Variants in HSP90AA1 observed in about 807,000 individuals in gnomAD.
HSP90AA1 encodes heat shock protein HSP 90-alpha.
In HSP90AA1, 18 loss-of-function variants were observed where a neutral mutation model predicts 73.3. The observed-to-expected ratio is 0.25, with a 90% CI of 0.17 to 0.36. The LOEUF (loss-of-function observed/expected upper bound fraction) is 0.36, where lower values mean the gene tolerates loss of function less well. Ranked by LOEUF, HSP90AA1 falls within the 10% of genes least tolerant of loss-of-function variation. The pLI is 1.00. For missense variants in HSP90AA1, 704 were observed against 874.2 expected (o/e 0.81, Z 2.45); for synonymous variants, 477 against 296.9 (o/e 1.61, Z -6.24).
At position 102,139,391 on chromosome 14, in the gene HSP90AA1, GA is replaced by G; in HGVS notation, c.13del (p.Ser5ArgfsTer46). ...AGGAGGGGTGGAGCCGTCCCCGCCC[GA>G]ACACGGGGGCATCCGCGCTCCCCGT... On this transcript the variant is annotated frameshift_variant, in exon 1 of 12. Transcript: ENST00000334701. LOFTEE classifies it high-confidence loss of function. 1 of 1,574,586 alleles carries G rather than the reference GA, an allele frequency of 6.4e-7. No homozygotes were observed. Among genetic ancestry groups the G allele is most frequent in the Non-Finnish European group, 8.6e-7 (1 of 1,160,000 alleles).
At chr14:102,085,034 A>C (rs750594857) in intron 4 of HSP90AA1, 36 bp from the exon 5 acceptor site, 1 of 1,613,614 alleles carries the variant, frequency 6.2e-7, no homozygotes, top group Non-Finnish European at 8.5e-7. Flanking sequence ...TCACTGCTGC[A>C]CTCCAGAACT....
chr14:102,084,356 T>A (rs1014592850), intron 6 of HSP90AA1, 43 bp downstream of exon 6: 17 of 1,575,442 alleles, frequency 1.1e-5, no homozygotes, highest in African/African-American at 2.7e-5. Flanking sequence ...AGAAAGTACT[T>A]CTTTAATCAG....
intron 1 of HSP90AA1, among the ~76,000 whole-genome samples, chr14:102,127,191 A>G (rs2049850690): frequency 6.6e-6 from 1 of 152,172 alleles, no homozygotes; most frequent in African/African-American, 2.4e-5. Context: ...AGATAGAAAA[A>G]AGTTAGGAAC....
At position 102,085,416 on chromosome 14, in the gene HSP90AA1, C is replaced by T. The variant is rs779581017; in HGVS notation, c.545G>A (p.Arg182His). 24 of 1,612,942 alleles carry T rather than the reference C, an allele frequency of 1.5e-5. No homozygotes were observed. Among genetic ancestry groups the T allele is most frequent in the Admixed American group, 1.7e-5 (1 of 59,846 alleles). Residue 182 changes from arginine (R) to histidine (H), a missense_variant, in exon 4 of 11, where the codon CGT (arginine) becomes CAT (histidine). Arg to His is a conservative substitution (Grantham distance 29). Transcript: ENST00000216281. ...VRTDTGEPMGRGTKVILHLKE... is the reference protein window; with the variant it reads ...VRTDTGEPMGHGTKVILHLKE... ...CAGGTGTAGGATAACTTTTGTTCCA[C>T]GACCCATAGGTTCACCTGCAAGAGA... is the stretch of plus-strand genomic sequence containing the variant.
intron 1 of HSP90AA1, among the ~76,000 whole-genome samples, chr14:102,126,831 T>C (rs1230333457): frequency 6.6e-6 from 1 of 152,214 alleles, no homozygotes; most frequent in Non-Finnish European, 1.5e-5. Flanking sequence ...CCCGGCCGAC[T>C]AGATTCTTTT....
chr14:102,117,818 C>CAGACCTGGG (rs1339225309), intron 1 of HSP90AA1, among the ~76,000 whole-genome samples: 1 of 152,206 alleles, frequency 6.6e-6, no homozygotes, highest in African/African-American at 2.4e-5. Flanking sequence ...TTGGGAAGCC[C>CAGACCTGGG]AGACCTGGGA....
intron 1 of HSP90AA1, among the ~76,000 whole-genome samples, chr14:102,125,048 G>A (rs2049823893): frequency 1.3e-5 from 2 of 152,116 alleles, no homozygotes; most frequent in Admixed American, 6.5e-5. Context: ...CTGGAGTTCA[G>A]TGGTGTGATC....
chr14:102,085,228 T>G lies in HSP90AA1; in HGVS notation c.663+70A>C, dbSNP rs1346277420. The G allele has an allele frequency of 1.5e-5, 23 of 1,519,192 alleles. No individual in the cohort carries two copies. In the East Asian group the frequency reaches 5.0e-4, roughly 33 times the overall value. The allele number at this position is 1,519,192 out of a possible 1,614,324, so 94.1% of individuals were successfully genotyped here. On this transcript the variant is annotated intron_variant, in intron 4 of 10. Coordinates refer to ENST00000216281, the MANE Select transcript of HSP90AA1 (RefSeq NM_005348.4). ...AGACTAGTTGAACAGATCTAGGGAC[T>G]AAGGATGTAGTACAGTCACCCCAAT...
chr14:102,137,953 T>G (rs1163476234), intron 1 of HSP90AA1, among the ~76,000 whole-genome samples: 1 of 151,466 alleles, frequency 6.6e-6, no homozygotes, highest in African/African-American at 2.4e-5. Flanking sequence ...AGGCAGAGGT[T>G]GCAGTGAGCC....
chr14:102,094,998 G>A (rs1339982618), intron 2 of HSP90AA1, among the ~76,000 whole-genome samples: 1 of 152,124 alleles, frequency 6.6e-6, no homozygotes, highest in Non-Finnish European at 1.5e-5. Flanking sequence ...GGTGGGTGAG[G>A]CTGTGTTCAC....
intron 1 of HSP90AA1, among the ~76,000 whole-genome samples, chr14:102,105,218 AC>A (rs76595587): frequency 0.77 from 76,108 of 99,460 alleles, 29,119 homozygotes; most frequent in East Asian, 0.85. Flanking sequence ...AAAAAAAAAA[AC>A]AAAAAAAAAA....
intron 1 of HSP90AA1, among the ~76,000 whole-genome samples, chr14:102,133,512 TCACTCTTGTTGCCCAGGCTGGAGTGC>T (rs2049935682): frequency 6.7e-6 from 1 of 150,072 alleles, no homozygotes; most frequent in Admixed American, 6.6e-5. Context: ...AGATGGAGTT[TCACTCTTGTTGCCCAGGCTGGAGTGC>T]AATGGCGTGA....
Position 102,082,409 on chromosome 14 carries a change from G to C in HSP90AA1, c.1791C>G (p.Cys597Trp). The change falls in exon 10 of 11, where the codon TGC becomes TGG. Residue 597 changes from cysteine to tryptophan, a missense_variant. By Grantham distance (215) the Cys-to-Trp change is radical. Transcript: ENST00000216281. Reference sequence around the variant, plus strand: ...AGCCATATGTGCTTGTGACAATACAGCATGGAGATGTCACCAATCGGTTTG... The same window carrying C: ...AGCCATATGTGCTTGTGACAATACACCATGGAGATGTCACCAATCGGTTTG... Reference protein sequence around the residue: ...VVSNRLVTSPCCIVTSTYGWT... With the variant: ...VVSNRLVTSPWCIVTSTYGWT... The C allele has an allele frequency of 6.2e-7, 1 of 1,613,364 alleles. No homozygotes were observed. The highest frequency in any genetic ancestry group is 8.5e-7 in the Non-Finnish European group (1 of 1,179,928).
rs1165332379 is a variant in HSP90AA1, at chr14:102,086,267, AG to A, written c.111del (p.Tyr38ThrfsTer8). 1 of 1,614,070 alleles carries A rather than the reference AG, an allele frequency of 6.2e-7. No homozygotes were observed. The highest frequency in any genetic ancestry group is 8.5e-7 in the Non-Finnish European group (1 of 1,180,016). The part of the protein sequence containing the change: ...AQLMSLIINT[F>X]YSNKEIFLRE... ...CTCAGAAAGATCTCTTTGTTCGAGTAGAAAGTATTGATGATCAATGACATCA... is the reference window on the plus strand; with the variant it reads ...CTCAGAAAGATCTCTTTGTTCGAGTAAAAGTATTGATGATCAATGACATCA... On this transcript the variant is annotated frameshift_variant, in exon 2 of 11. Transcript: ENST00000216281. LOFTEE classifies it high-confidence loss of function.
At chr14:102,117,186 C>A (rs1566733040) in intron 1 of HSP90AA1, among the ~76,000 whole-genome samples, 2 of 152,160 alleles carry the variant, frequency 1.3e-5, no homozygotes, top group Non-Finnish European at 2.9e-5. Context: ...AGGCACCCCT[C>A]AGCAGGAACA....
chr14:102,086,079 A>C lies in HSP90AA1; in HGVS notation c.208T>G (p.Leu70Val). 6.2e-7 allele frequency: 1 copy of C among 1,613,924 alleles called. No homozygotes were observed. Among genetic ancestry groups the C allele is most frequent in the Non-Finnish European group, 8.5e-7 (1 of 1,179,874 alleles). Residue 70 changes from leucine to valine, a missense_variant, in exon 3 of 11, where the codon TTA becomes GTA. Physicochemically the swap from Leu to Val is conservative, Grantham distance 32 (BLOSUM62 1). Coordinates refer to ENST00000216281, the MANE Select transcript of HSP90AA1 (RefSeq NM_005348.4). The stretch of plus-strand genomic sequence containing the variant: ...ATATGCAGCTCTTTCCCAGAGTCTA[A>C]TTTACTGGGATCTGTCAAGCTTTCA... ...RYESLTDPSK[L>V]DSGKELHINL...
At chr14:102,136,567 CAAAAAA>C (rs1165638280) in intron 1 of HSP90AA1, among the ~76,000 whole-genome samples, 10 of 53,238 alleles carry the variant, frequency 1.9e-4, no homozygotes, top group African/African-American at 6.9e-4. Flanking sequence ...AGACTCGTCT[CAAAAAA>C]AAAAAAAAAA....
chr14:102,134,370 G>A (rs1157680267), intron 1 of HSP90AA1, among the ~76,000 whole-genome samples: 4 of 151,124 alleles, frequency 2.6e-5, no homozygotes, highest in African/African-American at 9.8e-5. Flanking sequence ...ACGTTAGACT[G>A]GAATGGAGAA....
intron 1 of HSP90AA1, among the ~76,000 whole-genome samples, chr14:102,114,001 C>A (rs368342625): frequency 1.3e-5 from 2 of 152,118 alleles, no homozygotes; most frequent in East Asian, 3.9e-4. Context: ...TGAGCCACTG[C>A]ACCCCGCCCC....
Sources: allele counts gnomAD v4.1 joint callset (sites outside exome capture counted in the v4.1 genomes callset), GRCh38; gene constraint gnomAD v4.1.1; transcripts MANE v1.5; gene names NCBI Gene and HGNC (gene_info 2026-07-23, HGNC 2026-07-21).